Variants in IFT81 observed in about 807,000 individuals in gnomAD.
The protein encoded by IFT81 is intraflagellar transport 81.
Under a neutral mutation model 102.6 loss-of-function variants are expected in IFT81, and 72 were observed. That is an observed-to-expected ratio of 0.70 (90% CI 0.58 to 0.85). IFT81 has a LOEUF of 0.85. IFT81 is among the 40% of genes least tolerant of loss of function. The probability of loss-of-function intolerance (pLI) is 0.00; values close to 1 mark genes in which losing one functional copy is unlikely to be tolerated. For synonymous variants in IFT81, 237 were observed against 242.7 expected, an observed-to-expected ratio of 0.98 and a Z score of 0.22; for missense variants, 723 against 787.3, an observed-to-expected ratio of 0.92 and a Z score of 0.98.
intron 11 of IFT81, among the ~76,000 whole-genome samples, chr12:110,165,057 A>T (rs934601197): frequency 6.6e-6 from 1 of 152,008 alleles, no homozygotes; most frequent in African/African-American, 2.4e-5. Context: ...TTGAGAAATC[A>T]TGGTGAATAG....
At chr12:110,167,653 G>A (rs966253756) in intron 11 of IFT81, among the ~76,000 whole-genome samples, 8 of 152,062 alleles carry the variant, frequency 5.3e-5, no homozygotes, top group Admixed American at 5.2e-4. Context: ...CTGAGGAAAT[G>A]TACACACAAA....
At chr12:110,179,769 T>TAC (rs1299408451) in intron 11 of IFT81, among the ~76,000 whole-genome samples, 130 of 65,200 alleles carry the variant, frequency 2.0e-3, no homozygotes, top group Non-Finnish European at 2.8e-3. Context: ...TATATATATA[T>TAC]ATATACACAC....
At chr12:110,168,099 G>T (rs1593326407) in intron 11 of IFT81, 1 of 154,816 alleles carries the variant, frequency 6.5e-6, no homozygotes, top group East Asian at 1.9e-4. Context: ...GCCTCAAGCA[G>T]TCCTCCCACT....
chr12:110,147,758 A>G (rs1004230203), intron 10 of IFT81, among the ~76,000 whole-genome samples: 1 of 152,214 alleles, frequency 6.6e-6, no homozygotes, highest in Non-Finnish European at 1.5e-5. Context: ...TACAGGGCTC[A>G]TGGCCATTCT....
intron 11 of IFT81, among the ~76,000 whole-genome samples, chr12:110,174,285 A>T: frequency 6.9e-6 from 1 of 143,956 alleles, no homozygotes; most frequent in Non-Finnish European, 1.5e-5. Flanking sequence ...CTCAAAAAAA[A>T]AAAAAAAAAA....
At chr12:110,212,857 C>T (rs1249157953) in intron 18 of IFT81, among the ~76,000 whole-genome samples, 3 of 151,992 alleles carry the variant, frequency 2.0e-5, no homozygotes, top group East Asian at 1.9e-4. Flanking sequence ...AAAAAATGAT[C>T]GCCTTTATTA....
rs377420216 is a variant in IFT81, at chr12:110,134,951, A to G, written c.523A>G (p.Ile175Val). 1.1e-5 allele frequency: 18 copies of G among 1,608,812 alleles called. No individual in the cohort carries two copies. Among genetic ancestry groups the G allele is most frequent in the Non-Finnish European group, 1.4e-5 (17 of 1,178,040 alleles). The change falls in exon 6 of 19, where the codon ATC becomes GTC. Residue 175 changes from isoleucine (I) to valine (V), a missense_variant. By Grantham distance (29) the Ile-to-Val change is conservative. Transcript: ENST00000242591. The stretch of plus-strand genomic sequence containing the variant: ...GGTCTTCTTTGCCACTTTTTAGGAT[A>G]TCAGTGCAATGGAAGAAGAAAAGGA... ...GFSTAEIRKD[I>V]SAMEEEKDQL...
chr12:110,165,291 C>T (rs1304664602), intron 11 of IFT81, among the ~76,000 whole-genome samples: 1 of 152,026 alleles, frequency 6.6e-6, no homozygotes, highest in Non-Finnish European at 1.5e-5. Flanking sequence ...TTATTTTCTA[C>T]TATGATAAAG....
Position 110,143,478 on chromosome 12 carries a change from AT to A in IFT81, c.884del (p.Leu295TyrfsTer4). 1 of 1,551,146 alleles carries A rather than the reference AT, an allele frequency of 6.4e-7. No homozygotes were observed. The highest frequency in any genetic ancestry group is 8.6e-7 in the Non-Finnish European group (1 of 1,160,018). On this transcript the variant is annotated frameshift_variant, in exon 9 of 19. Coordinates refer to ENST00000242591, the MANE Select transcript of IFT81 (RefSeq NM_014055.4). LOFTEE classifies it high-confidence loss of function. Reference protein sequence around the residue: ...KELENKKKELHFLQKVVSEPA... With the variant: ...KELENKKKELXFLQKVVSEPA... ...TTAGAAAATAAGAAAAAGGAATTAC[AT>A]TTTTTACAAAAAGTAGTTTCAGAGC...
At chr12:110,144,994 T>A (rs948171634) in intron 9 of IFT81, among the ~76,000 whole-genome samples, 6 of 148,716 alleles carry the variant, frequency 4.0e-5, no homozygotes, top group Admixed American at 2.7e-4. Flanking sequence ...GCCTCTCGAC[T>A]AGCTGGGATT....
Position 110,129,060 on chromosome 12 carries a change from G to GT in IFT81, c.365dup (p.Leu122PhefsTer5), listed in dbSNP as rs756551252. 1.9e-5 allele frequency: 31 copies of GT among 1,605,582 alleles called. No homozygotes were observed. The South Asian group carries it at 3.2e-4, about 16-fold the overall frequency. ...CTGAAGAAAAGAGCATATTTAGCTC[G>GT]TTTTTTAATAAAACTTGAGGTACCA... On this transcript the variant is annotated frameshift_variant, in exon 4 of 19. Transcript: ENST00000242591. LOFTEE classifies it high-confidence loss of function.
intron 14 of IFT81, among the ~76,000 whole-genome samples, chr12:110,199,723 T>C (rs1198143460): frequency 6.6e-6 from 1 of 152,080 alleles, no homozygotes; most frequent in Non-Finnish European, 1.5e-5. Flanking sequence ...CTTCCAACAA[T>C]CTTTTATTCT....
intron 14 of IFT81, among the ~76,000 whole-genome samples, chr12:110,196,210 A>G (rs1897993987): frequency 6.6e-6 from 1 of 152,264 alleles, no homozygotes; most frequent in African/African-American, 2.4e-5. Flanking sequence ...TGTTATGTGT[A>G]TTTTATTACA....
rs2137588951 is a variant in IFT81 at position 110,205,663 on chromosome 12, A to G, written c.1785A>G (p.Glu595=). 6.3e-7 allele frequency: 1 copy of G among 1,588,346 alleles called. No homozygotes were observed. Among genetic ancestry groups the G allele is most frequent in the Non-Finnish European group, 8.5e-7 (1 of 1,171,644 alleles). ...CATATATCTCTTCTGATCAACAAGA[A>G]AAAAGAAAGGCAATTAGGCAAGTGA... ...MKAYISSDQQ[E]KRKAIREQYT... is the part of the protein sequence containing the mutation. Residue 595 remains glutamate, a synonymous_variant, in exon 17 of 19, where the codon GAA becomes GAG. Transcript: ENST00000242591.
chr12:110,143,463 A>G lies in IFT81; in HGVS notation c.863A>G (p.Lys288Arg). ...AAATTTCCTAAAGAATTAGAAAATA[A>G]GAAAAAGGAATTACATTTTTTACAA... is the stretch of plus-strand genomic sequence containing the variant. Reference protein sequence around the residue: ...TEKFPKELENKKKELHFLQKV... With the variant: ...TEKFPKELENRKKELHFLQKV... The change falls in exon 9 of 19, where the codon AAG becomes AGG. Residue 288 changes from lysine (K) to arginine (R), a missense_variant. By Grantham distance (26) the Lys-to-Arg change is conservative. Transcript: ENST00000242591. 6.4e-7 allele frequency: 1 copy of G among 1,552,900 alleles called. No homozygotes were observed. The highest frequency in any genetic ancestry group is 1.7e-4 in the Middle Eastern group (1 of 5,724).
chr12:110,153,043 G>A (rs1318452256), intron 10 of IFT81, among the ~76,000 whole-genome samples: 1 of 151,966 alleles, frequency 6.6e-6, no homozygotes, highest in Admixed American at 6.6e-5. Flanking sequence ...TTCTTTTGTT[G>A]CCTGTGCTTT....
At chr12:110,157,917 A>G (rs1014302684) in intron 10 of IFT81, among the ~76,000 whole-genome samples, 3 of 151,882 alleles carry the variant, frequency 2.0e-5, no homozygotes, top group Admixed American at 6.6e-5. Flanking sequence ...TATTTTGTTA[A>G]TACATTGTTT....
intron 18 of IFT81, among the ~76,000 whole-genome samples, chr12:110,215,742 A>G (rs1330141858): frequency 1.3e-5 from 2 of 149,794 alleles, no homozygotes; most frequent in Non-Finnish European, 3.0e-5. Context: ...CTTTGTGTCT[A>G]CTCTTGCTTT....
In IFT81 at chr12:110,178,671, A is replaced by G. The variant is rs540191925; in HGVS notation, c.1189-1751A>G. ...CACTCTGTCGCCCAGGCTGGAGTGC[A>G]GTGGCGTGATCTCGGCTCACTGCAA... On this transcript the variant is annotated intron_variant, in intron 11 of 18. Coordinates refer to ENST00000242591, the MANE Select transcript of IFT81 (RefSeq NM_014055.4). 2.8e-4 allele frequency among the ~76,000 whole-genome samples: 38 copies of G among 135,988 alleles called. No homozygotes were observed. In the East Asian group the frequency reaches 7.3e-3, roughly 26 times the overall value. The allele number at this position is 135,988 out of a possible 152,430, so 89.2% of individuals were successfully genotyped here.
Sources: allele counts gnomAD v4.1 joint callset (sites outside exome capture counted in the v4.1 genomes callset), GRCh38; gene constraint gnomAD v4.1.1; transcripts MANE v1.5; gene names NCBI Gene and HGNC (gene_info 2026-07-23, HGNC 2026-07-21).